The following ARHGAP12 variants were observed in gnomAD, a reference collection of about 807,000 sequenced individuals.
ARHGAP12 encodes the protein rho GTPase-activating protein 12.
Under a neutral mutation model 108.6 loss-of-function variants are expected in ARHGAP12, and 64 were observed. The observed-to-expected ratio is 0.59, with a 90% confidence interval of 0.48 to 0.73. The LOEUF (loss-of-function observed/expected upper bound fraction) is 0.73. Among genes scored for constraint, ARHGAP12 ranks in the 30% least tolerant of loss-of-function variants. The pLI, the probability that ARHGAP12 is intolerant of heterozygous loss-of-function variation, is 0.00. For synonymous variants in ARHGAP12, 312 were observed against 337.2 expected (o/e 0.93, Z 0.82); for missense variants, 940 against 1,005.9 (o/e 0.93, Z 0.89).
Position 31,808,680 on chromosome 10 carries a change from T to C in ARHGAP12, c.2335A>G (p.Thr779Ala). The change falls in exon 19 of 20, where the codon ACA becomes GCA. Residue 779 changes from threonine (T) to alanine (A), a missense_variant. Physicochemically the swap from Thr to Ala is moderately conservative, Grantham distance 58. Transcript: ENST00000344936. ...AGATGTCGGAAAAGAATCTGCATTG[T>C]GTCTTGGTTTGGCTTTGGCAACTGT... ...IRQLPKPNQD[T>A]MQILFRHLRR... The C allele has an allele frequency of 6.2e-7, 1 of 1,613,840 alleles. No individual in the cohort carries two copies. The highest frequency in any genetic ancestry group is 8.5e-7 in the Non-Finnish European group (1 of 1,179,762).
chr10:31,827,545 A>C lies in ARHGAP12; in HGVS notation c.1449-1160T>G, dbSNP rs188265613. 1.5e-3 allele frequency among the ~76,000 whole-genome samples: 227 copies of C among 152,294 alleles called. 1 individual carries two copies. The highest frequency in any genetic ancestry group is 5.2e-3 in the African/African-American group (215 of 41,564). On this transcript the variant is annotated intron_variant, in intron 10 of 19. Transcript: ENST00000344936. ...GGTGGCTCACGCCTGTAATCCCAGC[A>C]CTTTGGGAGGCCGAGACGGGTGGAT...
rs375113750 is a variant in ARHGAP12, at chr10:31,909,008, A to G, written c.-71-82T>C. 4.3e-6 allele frequency: 3 copies of G among 700,770 alleles called. No homozygotes were observed. In the South Asian group the frequency reaches 6.8e-5, roughly 16 times the overall value. The allele number at this position is 700,770 out of a possible 1,614,324, so 43.4% of individuals were successfully genotyped here. On this transcript the variant is annotated intron_variant, in intron 2 of 19. Transcript: ENST00000344936. ...TCGTATTTACTCACAAGCATCATAT[A>G]GTATAGGCCATTTAAAGAACATTAC...
chr10:31,884,646 G>C (rs1838125400), intron 3 of ARHGAP12, among the ~76,000 whole-genome samples: 1 of 152,136 alleles, frequency 6.6e-6, no homozygotes, highest in East Asian at 1.9e-4. Context: ...ACTGTGAATG[G>C]CTCTCTTACC....
intron 3 of ARHGAP12, among the ~76,000 whole-genome samples, chr10:31,896,590 A>G (rs1277009909): frequency 6.6e-6 from 1 of 152,162 alleles, no homozygotes; most frequent in African/African-American, 2.4e-5. Flanking sequence ...TAAGACACAC[A>G]TATTAAACGA....
chr10:31,807,530 G>GA lies in ARHGAP12; in HGVS notation c.*127dup, dbSNP rs1428501301. The GA allele has an allele frequency of 3.6e-6, 3 of 822,944 alleles. No homozygotes were observed. The highest frequency in any genetic ancestry group is 7.1e-5 in the Admixed American group (2 of 28,004). 51.0% of individuals were successfully genotyped at this position (822,944 alleles called of 1,614,324 possible). A position where few individuals can be genotyped will look rare whatever the true frequency, so the allele number is the denominator to read the frequency against. On this transcript the variant is annotated 3_prime_UTR_variant, in exon 20 of 20. Coordinates refer to ENST00000344936, the MANE Select transcript of ARHGAP12 (RefSeq NM_018287.7). ...CATCTCGACTCTCCCCTTCCCTTCT[G>GA]ATCCCTCAAAAAAAAAGTGCAAAAT...
intron 19 of ARHGAP12, among the ~76,000 whole-genome samples, chr10:31,808,229 A>AC (rs1467541991): frequency 6.6e-6 from 1 of 152,140 alleles, no homozygotes; most frequent in Non-Finnish European, 1.5e-5. Context: ...TAAAAAAAAA[A>AC]AACTCTCTCT....
At chr10:31,918,412 T>TA (rs1006502662) in intron 1 of ARHGAP12, among the ~76,000 whole-genome samples, 8 of 149,096 alleles carry the variant, frequency 5.4e-5, no homozygotes, top group Non-Finnish European at 5.9e-5. Context: ...TTTTTTAAAT[T>TA]AAAAAATAGA....
intron 9 of ARHGAP12, among the ~76,000 whole-genome samples, chr10:31,834,763 C>T (rs1011311943): frequency 2.0e-5 from 3 of 151,974 alleles, no homozygotes; most frequent in Admixed American, 1.3e-4. Context: ...AATAAATTAA[C>T]AGTACTATAA....
intron 3 of ARHGAP12, among the ~76,000 whole-genome samples, chr10:31,891,452 T>C (rs557281856): frequency 3.0e-4 from 45 of 152,386 alleles, no homozygotes; most frequent in Middle Eastern, 3.4e-3. Flanking sequence ...AGAGATCCAC[T>C]GTTAGTCTGA....
chr10:31,843,407 A>C, intron 7 of ARHGAP12, 54 bp downstream of exon 7: 2 of 1,522,474 alleles, frequency 1.3e-6, no homozygotes, highest in Non-Finnish European at 1.8e-6. Flanking sequence ...GAATAGTTAC[A>C]ATTCACTGTA....
At chr10:31,829,676 C>T (rs1483125002) in intron 10 of ARHGAP12, among the ~76,000 whole-genome samples, 3 of 152,014 alleles carry the variant, frequency 2.0e-5, no homozygotes, top group East Asian at 1.9e-4. Flanking sequence ...TACAAATGAC[C>T]TACAAGATAT....
chr10:31,892,146 C>T (rs1038240651), intron 3 of ARHGAP12, among the ~76,000 whole-genome samples: 1 of 152,188 alleles, frequency 6.6e-6, no homozygotes, highest in African/African-American at 2.4e-5. Flanking sequence ...GTACCAGACA[C>T]TGCAAAAACA....
chr10:31,904,846 T>G (rs1200881061), intron 3 of ARHGAP12, among the ~76,000 whole-genome samples: 1 of 152,070 alleles, frequency 6.6e-6, no homozygotes, highest in Non-Finnish European at 1.5e-5. Context: ...AATTTAGTCT[T>G]GAACTCCTGG....
In ARHGAP12 at chr10:31,910,535, G is replaced by A. The variant is rs1417977326; in HGVS notation, c.-82C>T. The stretch of plus-strand genomic sequence containing the variant: ...AAAATAAAAAATTACCTTAGAACAA[G>A]GAGATCTACACCAGTATCACATTTA... On this transcript the variant is annotated 5_prime_UTR_variant, in exon 2 of 20. Coordinates refer to ENST00000344936, the MANE Select transcript of ARHGAP12 (RefSeq NM_018287.7). The A allele has an allele frequency of 2.7e-5, 2 of 72,760 alleles. No individual in the cohort carries two copies. Among genetic ancestry groups the A allele is most frequent in the Admixed American group, 2.8e-4 (2 of 7,244 alleles). The allele number at this position is 72,760 out of a possible 1,614,324, so 4.5% of individuals were successfully genotyped here.
intron 3 of ARHGAP12, among the ~76,000 whole-genome samples, chr10:31,863,141 T>C (rs1837194273): frequency 1.3e-5 from 2 of 152,222 alleles, no homozygotes; most frequent in Non-Finnish European, 2.9e-5. Flanking sequence ...TATTCAATGA[T>C]GCAAATTCGA....
At chr10:31,808,617 T>C in intron 19 of ARHGAP12, 32 bp downstream of exon 19, 3 of 1,600,210 alleles carry the variant, frequency 1.9e-6, no homozygotes, top group Non-Finnish European at 2.6e-6. Flanking sequence ...CCTTGTGCTA[T>C]ACCACATCCC....
intron 12 of ARHGAP12, 51 bp downstream of exon 12, chr10:31,820,336 A>G (rs760278878): frequency 7.0e-6 from 10 of 1,424,592 alleles, no homozygotes; most frequent in Non-Finnish European, 9.6e-6. Context: ...AAAACAGAAC[A>G]TCCAATTACT....
chr10:31,820,410 A>G lies in ARHGAP12; in HGVS notation c.1609T>C (p.Ser537Pro). 3 of 1,611,694 alleles carry G rather than the reference A, an allele frequency of 1.9e-6. No homozygotes were observed. The highest frequency in any genetic ancestry group is 2.5e-6 in the Non-Finnish European group (3 of 1,178,952). Residue 537 changes from serine (S) to proline (P), a missense_variant, in exon 12 of 20, where the codon TCC becomes CCC. By Grantham distance (74) the Ser-to-Pro change is moderately conservative (BLOSUM62 -1). Coordinates refer to ENST00000344936, the MANE Select transcript of ARHGAP12 (RefSeq NM_018287.7). ...ATIEMASKDKSSKKNVFELKT... is the reference protein window; with the variant it reads ...ATIEMASKDKPSKKNVFELKT... ...ACCTCAAATACATTCTTTTTGCTGG[A>G]TTTATCCTTTGAAGCCATCTCAATT...
At chr10:31,820,337 T>C (rs763705347) in intron 12 of ARHGAP12, 50 bp downstream of exon 12, 2 of 1,428,370 alleles carry the variant, frequency 1.4e-6, no homozygotes, top group East Asian at 2.4e-5. Context: ...AAACAGAACA[T>C]CCAATTACTA....
Sources: gnomAD v4.1 joint callset for allele counts (sites outside exome capture counted in the v4.1 genomes callset) on GRCh38, gnomAD v4.1.1 for gene constraint, MANE v1.5 for transcripts, NCBI Gene and HGNC (gene_info 2026-07-23, HGNC 2026-07-21) for gene names.